FER: variants seen among roughly 807,000 people sequenced by gnomAD.
FER encodes the protein tyrosine-protein kinase Fer.
In FER, 63 loss-of-function variants were observed where a neutral mutation model predicts 111.0. The observed-to-expected ratio is 0.57, with a 90% CI of 0.46 to 0.70. The LOEUF (loss-of-function observed/expected upper bound fraction) is 0.70, where lower values mean the gene tolerates loss of function less well. Ranked by LOEUF, FER falls within the 30% of genes least tolerant of loss-of-function variation. The probability of loss-of-function intolerance (pLI) is 0.00; values close to 1 mark genes in which losing one functional copy is unlikely to be tolerated. For synonymous variants in FER, 327 were observed against 313.9 expected, an observed-to-expected ratio of 1.04 and a Z score of -0.44; for missense variants, 914 against 954.0, an observed-to-expected ratio of 0.96 and a Z score of 0.55.
chr5:109,030,243 T>C (rs1158827306), intron 13 of FER, among the ~76,000 whole-genome samples: 3 of 152,182 alleles, frequency 2.0e-5, no homozygotes, highest in African/African-American at 7.2e-5. Flanking sequence ...TTGTAAGTGA[T>C]TGTTGTGCAT....
rs183529777 is a variant in FER at position 108,989,104 on chromosome 5, T to G, written c.1656+29757T>G. Among the ~76,000 whole-genome samples, 7 of 152,244 alleles carry G rather than the reference T, an allele frequency of 4.6e-5. No homozygotes were observed. The East Asian group carries it at 1.3e-3, about 29-fold the overall frequency. ...ATGGTTTTGAGGTTCCTTTTGGAGT[T>G]GATTTCCAATTTTATTTTACTGTTG... On this transcript the variant is annotated intron_variant, in intron 13 of 19. Transcript: ENST00000281092.
intron 1 of FER, among the ~76,000 whole-genome samples, chr5:108,753,992 G>C (rs1750789029): frequency 6.6e-6 from 1 of 152,144 alleles, no homozygotes; most frequent in Non-Finnish European, 1.5e-5. Flanking sequence ...CAGTTTTCTA[G>C]CATGCGAGCT....
chr5:108,780,954 G>A (rs1264472339), intron 2 of FER, among the ~76,000 whole-genome samples: 2 of 151,642 alleles, frequency 1.3e-5, no homozygotes, highest in Non-Finnish European at 2.9e-5. Context: ...CCCAACATAG[G>A]CATTCTTCAT....
chr5:109,159,719 A>G (rs1755796396), intron 17 of FER, among the ~76,000 whole-genome samples: 1 of 152,184 alleles, frequency 6.6e-6, no homozygotes, highest in South Asian at 2.1e-4. Context: ...AAGTAGTTTT[A>G]CTTGGAAAAA....
intron 2 of FER, among the ~76,000 whole-genome samples, chr5:108,791,860 G>A (rs1382405209): frequency 1.3e-5 from 2 of 152,142 alleles, no homozygotes; most frequent in African/African-American, 4.8e-5. Context: ...TGTTTTGTGT[G>A]CGGTCCAAGG....
At chr5:108,750,125 ATATGT>A (rs1419936768) in intron 1 of FER, among the ~76,000 whole-genome samples, 1 of 152,230 alleles carries the variant, frequency 6.6e-6, no homozygotes, top group Non-Finnish European at 1.5e-5. Flanking sequence ...TTTTCTCCAG[ATATGT>A]TAAGATAATA....
chr5:108,951,867 C>A (rs968253553), intron 11 of FER, among the ~76,000 whole-genome samples: 1 of 152,030 alleles, frequency 6.6e-6, no homozygotes, highest in African/African-American at 2.4e-5. Flanking sequence ...TACAAATCTT[C>A]ATTACATACT....
intron 17 of FER, among the ~76,000 whole-genome samples, chr5:109,137,583 C>T (rs1226697246): frequency 6.6e-6 from 1 of 152,112 alleles, no homozygotes; most frequent in African/African-American, 2.4e-5. Flanking sequence ...AAATCTAGCT[C>T]ATAAATTACA....
chr5:108,955,003 G>C, intron 12 of FER, 71 bp downstream of exon 12: 1 of 1,335,664 alleles, frequency 7.5e-7, no homozygotes, highest in East Asian at 2.4e-5. Context: ...TTAAAATAAC[G>C]AATGGTTTGT....
chr5:109,194,045 A>G lies in FER; in HGVS notation c.*6470A>G, dbSNP rs890803244. 2.0e-5 allele frequency: 3 copies of G among 152,202 alleles called. No individual in the cohort carries two copies. The highest frequency in any genetic ancestry group is 4.4e-5 in the Non-Finnish European group (3 of 68,044). The allele number at this position is 152,202 out of a possible 1,614,324, so 9.4% of individuals were successfully genotyped here. ...CTAACGCAGCAAGATTTCTGTGAGT[A>G]GAGGTATCCTGGGAGGTATCCTGGG... On this transcript the variant is annotated 3_prime_UTR_variant, in exon 20 of 20. Coordinates refer to ENST00000281092, the MANE Select transcript of FER (RefSeq NM_005246.4).
intron 10 of FER, among the ~76,000 whole-genome samples, chr5:108,926,373 A>G (rs952730864): frequency 6.6e-6 from 1 of 152,032 alleles, no homozygotes; most frequent in Non-Finnish European, 1.5e-5. Flanking sequence ...CATATCTTCA[A>G]AGTAAAGTAG....
At chr5:109,141,615 C>CA in intron 17 of FER, among the ~76,000 whole-genome samples, 1 of 152,284 alleles carries the variant, frequency 6.6e-6, no homozygotes, top group Admixed American at 6.5e-5. Context: ...GACTTAGGGA[C>CA]ACTGGAAGAT....
Position 108,867,853 on chromosome 5 carries a change from A to G in FER, c.568A>G (p.Lys190Glu). 6.2e-7 allele frequency: 1 copy of G among 1,613,354 alleles called. No homozygotes were observed. The highest frequency in any genetic ancestry group is 2.2e-5 in the East Asian group (1 of 44,826). ...GCACAATCAGTATGTATTGGCGTTGAAAGGGGCACAGCTCCATCAGAATCA... is the reference window on the plus strand; with the variant it reads ...GCACAATCAGTATGTATTGGCGTTGGAAGGGGCACAGCTCCATCAGAATCA... ...MLHNQYVLAL[K>E]GAQLHQNQYY... Residue 190 changes from lysine to glutamate, a missense_variant, in exon 6 of 20, where the codon AAA becomes GAA. Lys to Glu is a moderately conservative substitution (Grantham distance 56, BLOSUM62 1). Transcript: ENST00000281092.
chr5:109,183,367 GC>G (rs1257001569), intron 18 of FER, among the ~76,000 whole-genome samples: 7 of 149,468 alleles, frequency 4.7e-5, no homozygotes, highest in Non-Finnish European at 1.0e-4. Context: ...TCCTGTCTCA[GC>G]CTCCCCAGTA....
rs1035652958 is a variant in FER, at chr5:108,871,571, A to G, written c.803+69A>G. 5.2e-6 allele frequency: 6 copies of G among 1,164,144 alleles called. No homozygotes were observed. In the Admixed American group the frequency reaches 1.2e-4, roughly 24 times the overall value. The allele number at this position is 1,164,144 out of a possible 1,614,324, so 72.1% of individuals were successfully genotyped here. A position where few individuals can be genotyped will look rare whatever the true frequency, so the allele number is the denominator to read the frequency against. ...TTTTTCATTCATACAATAGTTAACC[A>G]CAGATAAAAATAAGAAATACTTAAG... On this transcript the variant is annotated intron_variant, in intron 7 of 19. Coordinates refer to ENST00000281092, the MANE Select transcript of FER (RefSeq NM_005246.4).
At chr5:108,971,219 T>G (rs1412436766) in intron 13 of FER, among the ~76,000 whole-genome samples, 1 of 148,648 alleles carries the variant, frequency 6.7e-6, no homozygotes, top group Non-Finnish European at 1.5e-5. Context: ...TGGCTCACAC[T>G]TGTAATCCCA....
Position 108,897,128 on chromosome 5 carries a change from C to G in FER, c.1047-531C>G, listed in dbSNP as rs528632191. ...AAGATTTGGAGACCTTTGTTTTACT[C>G]ATTCCTCCAGTTACATCTTAGCCCT... On this transcript the variant is annotated intron_variant, in intron 9 of 19. Transcript: ENST00000281092. Among the ~76,000 whole-genome samples the G allele has an allele frequency of 7.2e-5, 11 of 152,284 alleles. No homozygotes were observed. The South Asian group carries it at 2.1e-3, about 29-fold the overall frequency.
chr5:109,072,524 A>G (rs1775886193), intron 16 of FER, among the ~76,000 whole-genome samples: 1 of 151,860 alleles, frequency 6.6e-6, no homozygotes, highest in South Asian at 2.1e-4. Context: ...ATGAAATCTT[A>G]TGCCTTAATC....
At chr5:108,863,032 C>T (rs1038814711) in intron 5 of FER, among the ~76,000 whole-genome samples, 1 of 152,136 alleles carries the variant, frequency 6.6e-6, no homozygotes, top group African/African-American at 2.4e-5. Context: ...TAGGAGCCTC[C>T]TCCTAACTTG....
Sources: allele counts gnomAD v4.1 joint callset (sites outside exome capture counted in the v4.1 genomes callset), GRCh38; gene constraint gnomAD v4.1.1; transcripts MANE v1.5; gene names NCBI Gene and HGNC (gene_info 2026-07-23, HGNC 2026-07-21).